Variants in RBFOX1 observed in about 807,000 individuals in gnomAD.
The protein encoded by RBFOX1 is RNA binding protein fox-1 homolog 1.
Under a neutral mutation model 57.7 loss-of-function variants are expected in RBFOX1, and 8 were observed. That is an observed-to-expected ratio of 0.14 (90% CI 0.08 to 0.25). The LOEUF (loss-of-function observed/expected upper bound fraction) is 0.25, where lower values mean the gene tolerates loss of function less well. Among genes scored for constraint, RBFOX1 ranks in the 10% least tolerant of loss-of-function variants. RBFOX1 has a pLI of 1.00. For missense variants in RBFOX1, 611 were observed against 548.5 expected, an observed-to-expected ratio of 1.11 and a Z score of -1.14; for synonymous variants, 326 against 222.4, an observed-to-expected ratio of 1.47 and a Z score of -4.15.
At chr16:7,654,099 G>A in intron 12 of RBFOX1, 152 bp downstream of exon 12, 1 of 760,374 alleles carries the variant, frequency 1.3e-6, no homozygotes, top group African/African-American at 1.8e-5. Flanking sequence ...CACCTGCAGT[G>A]GAGCACCTTG....
intron 4 of RBFOX1, among the ~76,000 whole-genome samples, chr16:5,886,837 G>A (rs1242393222): frequency 2.0e-5 from 3 of 152,216 alleles, no homozygotes; most frequent in African/African-American, 4.8e-5. Context: ...GCAGTGAGCC[G>A]AGATTGTGCC....
chr16:7,011,830 C>G (rs1305569752), intron 3 of RBFOX1, among the ~76,000 whole-genome samples: 1 of 152,136 alleles, frequency 6.6e-6, no homozygotes, highest in African/African-American at 2.4e-5. Flanking sequence ...TGTTTTTGGA[C>G]AGTGATATCA....
intron 13 of RBFOX1, among the ~76,000 whole-genome samples, chr16:7,666,266 GA>G: frequency 6.6e-6 from 1 of 152,220 alleles, no homozygotes; most frequent in East Asian, 1.9e-4. Context: ...GGAGGAGCCA[GA>G]ATGGTAGTTG....
At position 6,887,753 on chromosome 16, in the gene RBFOX1, C is replaced by G. The variant is rs541225705; in HGVS notation, c.-15-164304C>G. On this transcript the variant is annotated intron_variant, in intron 3 of 15. Transcript: ENST00000550418. ...TCTTGGCTTACTGCAACCTCTGCCT[C>G]CCAGGTTCAAGTGATTCTCCAGCCT... Among the ~76,000 whole-genome samples the G allele has an allele frequency of 2.6e-5, 4 of 151,940 alleles. No individual in the cohort carries two copies. In the South Asian group the frequency reaches 8.4e-4, roughly 32 times the overall value.
At chr16:7,671,488 T>A in intron 13 of RBFOX1, 1 of 1,406,716 alleles carries the variant, frequency 7.1e-7, no homozygotes, top group Non-Finnish European at 1.0e-6. Context: ...GGAATTTGTC[T>A]GACTTATGCA....
intron 2 of RBFOX1, among the ~76,000 whole-genome samples, chr16:5,540,507 A>G (rs2044887767): frequency 6.6e-6 from 1 of 152,284 alleles, no homozygotes; most frequent in African/African-American, 2.4e-5. Context: ...CTATGGTGAA[A>G]TTTAGTCGAA....
chr16:7,517,070 T>G (rs2076511512), intron 4 of RBFOX1, among the ~76,000 whole-genome samples: 1 of 152,062 alleles, frequency 6.6e-6, no homozygotes, highest in Non-Finnish European at 1.5e-5. Context: ...GCTCTGTCTT[T>G]CTGACTGTGT....
intron 4 of RBFOX1, among the ~76,000 whole-genome samples, chr16:7,294,120 G>T (rs1822197865): frequency 6.6e-6 from 1 of 152,138 alleles, no homozygotes. Flanking sequence ...GTTTAATCCA[G>T]AAGTCGAAAC....
At chr16:6,895,834 G>A (rs890760346) in intron 3 of RBFOX1, among the ~76,000 whole-genome samples, 4 of 151,880 alleles carry the variant, frequency 2.6e-5, no homozygotes, top group Non-Finnish European at 5.9e-5. Context: ...AAACCTCTTG[G>A]GATCAGTGTT....
At chr16:6,678,745 A>C (rs4786907) in intron 3 of RBFOX1, among the ~76,000 whole-genome samples, 2 of 151,794 alleles carry the variant, frequency 1.3e-5, no homozygotes, top group African/African-American at 2.4e-5. Flanking sequence ...TAATTGGAAG[A>C]AGTGCTAAGA....
Position 6,106,574 on chromosome 16 carries a change from G to A in RBFOX1, c.-127+86582G>A, listed in dbSNP as rs139037703. On this transcript the variant is annotated intron_variant, in intron 1 of 15. Coordinates refer to ENST00000550418, the MANE Select transcript of RBFOX1 (RefSeq NM_018723.4). ...TTCAATGAGACGGTCATGGACTTTC[G>A]TTCAGAAAGACTTTAGGAAAGTCTC... Among the ~76,000 whole-genome samples, 218 of 152,002 alleles carry A rather than the reference G, an allele frequency of 1.4e-3. 1 individual carries two copies. Among genetic ancestry groups the A allele is most frequent in the Admixed American group, 3.7e-3 (56 of 15,274 alleles).
Position 6,425,724 on chromosome 16 carries a change from C to G in RBFOX1, c.-64+108667C>G, listed in dbSNP as rs190754637. On this transcript the variant is annotated intron_variant, in intron 2 of 15. Coordinates refer to ENST00000550418, the MANE Select transcript of RBFOX1 (RefSeq NM_018723.4). ...TGTGGATCTAATTCATACACACACA[C>G]ACACGAACGTTTTGATAGAGTTTGC... Among the ~76,000 whole-genome samples the G allele has an allele frequency of 3.7e-3, 557 of 152,272 alleles. 3 individuals carry two copies. Among genetic ancestry groups the G allele is most frequent in the African/African-American group, 0.013 (532 of 41,550 alleles).
chr16:6,826,472 G>T (rs984674767), intron 3 of RBFOX1, among the ~76,000 whole-genome samples: 2 of 152,076 alleles, frequency 1.3e-5, no homozygotes, highest in Admixed American at 6.5e-5. Context: ...TTAGAGATGA[G>T]AAAATAACCT....
chr16:6,777,060 G>A (rs898134376), intron 3 of RBFOX1, among the ~76,000 whole-genome samples: 2 of 152,078 alleles, frequency 1.3e-5, no homozygotes, highest in Non-Finnish European at 2.9e-5. Flanking sequence ...CTACCTGAGG[G>A]CAGGGATTCT....
intron 5 of RBFOX1, chr16:7,519,655 C>A (rs2077100504): frequency 2.0e-6 from 2 of 983,184 alleles, no homozygotes; most frequent in Non-Finnish European, 2.4e-6. Context: ...CCTTTTTCTG[C>A]AGAATTCTTT....
chr16:7,600,885 G>C (rs1018447195), intron 9 of RBFOX1, among the ~76,000 whole-genome samples: 2 of 152,300 alleles, frequency 1.3e-5, no homozygotes, highest in Non-Finnish European at 2.9e-5. Context: ...AAAAGCTGTA[G>C]AATGAGCCGT....
At chr16:6,953,925 C>A (rs1430909503) in intron 3 of RBFOX1, among the ~76,000 whole-genome samples, 2 of 152,162 alleles carry the variant, frequency 1.3e-5, no homozygotes, top group Admixed American at 6.6e-5. Flanking sequence ...CTAATTGCAT[C>A]TCTTTCCTGA....
At chr16:7,709,973 C>T (rs947368449) in intron 15 of RBFOX1, 5 of 1,006,840 alleles carry the variant, frequency 5.0e-6, no homozygotes, top group Non-Finnish European at 5.9e-6. Context: ...TTTGAATTGC[C>T]AATACTTTTA....
At chr16:6,780,099 T>TTATATA (rs2080429883) in intron 3 of RBFOX1, among the ~76,000 whole-genome samples, 1 of 19,450 alleles carries the variant, frequency 5.1e-5, no homozygotes, top group Non-Finnish European at 6.8e-5. Flanking sequence ...ATTTATATAT[T>TTATATA]TTTATATATT....
Sources: allele counts gnomAD v4.1 joint callset (sites outside exome capture counted in the v4.1 genomes callset), GRCh38; gene constraint gnomAD v4.1.1; transcripts MANE v1.5; gene names NCBI Gene and HGNC (gene_info 2026-07-23, HGNC 2026-07-21).